The following OR2T11 variants were observed in gnomAD, a reference collection of about 807,000 sequenced individuals.
The protein encoded by OR2T11 is olfactory receptor 2T11.
OR2T11 carries 14 observed loss-of-function variants against 13.5 expected under a neutral mutation model. That is an observed-to-expected ratio of 1.04 (90% CI 0.69 to 1.62). OR2T11 has a LOEUF of 1.62. Ranked by LOEUF, OR2T11 falls within the 40% of genes most tolerant of loss-of-function variation. The pLI is 0.00. For missense variants in OR2T11, 410 were observed against 389.7 expected (o/e 1.05, Z -0.44); for synonymous variants, 163 against 154.6 (o/e 1.05, Z -0.40).
intron 1 of OR2T11, among the ~76,000 whole-genome samples, chr1:248,632,019 G>C (rs1292288934): frequency 7.0e-6 from 1 of 143,724 alleles, no homozygotes; most frequent in Non-Finnish European, 1.5e-5. Context: ...CTAGCATAAA[G>C]AAAATACAAA....
chr1:248,628,184 G>A (rs1360674121), intron 1 of OR2T11, among the ~76,000 whole-genome samples: 6 of 143,260 alleles, frequency 4.2e-5, no homozygotes, highest in Non-Finnish European at 7.5e-5. Context: ...AGAAAGCTAC[G>A]GAGCAGATAC....
In OR2T11 at chr1:248,629,029, T is replaced by C. The variant is rs1660566123; in HGVS notation, c.-144-1757A>G. On this transcript the variant is annotated intron_variant, in intron 1 of 1. Transcript: ENST00000641193. ...ATATTAGACTCCAAAAACTTCCTAA[T>C]AGAATTAACCCACACTAAGGAGAAG... Among the ~76,000 whole-genome samples, 2 of 143,778 alleles carry C rather than the reference T, an allele frequency of 1.4e-5. 1 individual carries two copies. The highest frequency in any genetic ancestry group is 1.4e-4 in the Admixed American group (2 of 14,724). The allele number at this position is 143,778 out of a possible 152,430, so 94.3% of individuals were successfully genotyped here. A position where few individuals can be genotyped will look rare whatever the true frequency, so the allele number is the denominator to read the frequency against.
At chr1:248,628,703 A>T (rs1162505922) in intron 1 of OR2T11, among the ~76,000 whole-genome samples, 1 of 143,238 alleles carries the variant, frequency 7.0e-6, no homozygotes, top group Non-Finnish European at 1.5e-5. Context: ...CAGTAGAATC[A>T]GTACAAATAG....
rs1220861100 is a variant in OR2T11, at chr1:248,624,984, C to T, written c.*1194G>A. On this transcript the variant is annotated 3_prime_UTR_variant, in exon 2 of 2. Coordinates refer to ENST00000641193, the MANE Select transcript of OR2T11 (RefSeq NM_001001964.2). ...CAAGCAATCCACCCTCCTTGGTCTC[C>T]ACTAAAGTGCTGGGAGTACAGGTAT... 6.9e-6 allele frequency: 1 copy of T among 144,220 alleles called. No individual in the cohort carries two copies. The highest frequency in any genetic ancestry group is 2.7e-5 in the African/African-American group (1 of 36,816). The allele number at this position is 144,220 out of a possible 1,614,324, so 8.9% of individuals were successfully genotyped here.
At position 248,625,609 on chromosome 1, in the gene OR2T11, C is replaced by T. The variant is rs2103100540; in HGVS notation, c.*569G>A. 6.9e-6 allele frequency: 1 copy of T among 145,824 alleles called. No homozygotes were observed. Among genetic ancestry groups the T allele is most frequent in the African/African-American group, 2.7e-5 (1 of 36,726 alleles). The allele number at this position is 145,824 out of a possible 1,614,324, so 9.0% of individuals were successfully genotyped here. ...ATACTCAGTTCTGTTCAATTCACCA[C>T]CATTTATTGTGGCCTAGTATTTGAT... is the stretch of plus-strand genomic sequence containing the variant. On this transcript the variant is annotated 3_prime_UTR_variant, in exon 2 of 2. Transcript: ENST00000641193.
intron 1 of OR2T11, among the ~76,000 whole-genome samples, chr1:248,631,626 A>G (rs1290803526): frequency 1.4e-5 from 2 of 143,862 alleles, no homozygotes; most frequent in African/African-American, 5.5e-5. Context: ...CAAGTTGTCA[A>G]CAAAGCAATA....
Position 248,626,493 on chromosome 1 carries a change from G to A in OR2T11, c.636C>T (p.Ser212=), listed in dbSNP as rs760024194. The change falls in exon 2 of 2, where the codon TCC becomes TCT. Residue 212 remains serine (S), a synonymous_variant. Transcript: ENST00000641193. ...LMLLIPISII[S]TSYSLILLTI... ...TTAACAAGATGAGGGAGTAGGAAGT[G>A]GAGATGATAGAGATGGGGATGAGCA... 3 of 1,572,566 alleles carry A rather than the reference G, an allele frequency of 1.9e-6. No individual in the cohort carries two copies. The highest frequency in any genetic ancestry group is 1.7e-6 in the Non-Finnish European group (2 of 1,156,176).
rs1660485460 is a variant in OR2T11 at position 248,624,457 on chromosome 1, T to C, written c.*1721A>G. Reference sequence around the variant, plus strand: ...GCTAAATACAGTAACCAAATCTCACTTATTTCAACCATAGACTGCACTTGT... The same window carrying C: ...GCTAAATACAGTAACCAAATCTCACCTATTTCAACCATAGACTGCACTTGT... On this transcript the variant is annotated 3_prime_UTR_variant, in exon 2 of 2. Transcript: ENST00000641193. The C allele has an allele frequency of 7.0e-6, 1 of 143,330 alleles. No individual in the cohort carries two copies. Among genetic ancestry groups the C allele is most frequent in the African/African-American group, 2.7e-5 (1 of 36,388 alleles). The allele number at this position is 143,330 out of a possible 1,614,324, so 8.9% of individuals were successfully genotyped here. A position where few individuals can be genotyped will look rare whatever the true frequency, so the allele number is the denominator to read the frequency against.
intron 1 of OR2T11, among the ~76,000 whole-genome samples, chr1:248,630,702 A>G (rs114537856): frequency 0.014 from 1,984 of 144,192 alleles, 408 homozygotes; most frequent in African/African-American, 0.049. Context: ...TGCTACTTAA[A>G]TTGAACGACA....
At position 248,629,003 on chromosome 1, in the gene OR2T11, T is replaced by C. The variant is rs372752294; in HGVS notation, c.-144-1731A>G. Among the ~76,000 whole-genome samples the C allele has an allele frequency of 1.7e-4, 24 of 143,914 alleles. 6 individuals are homozygous for C. The highest frequency in any genetic ancestry group is 6.5e-4 in the African/African-American group (24 of 36,694). The allele number at this position is 143,914 out of a possible 152,430, so 94.4% of individuals were successfully genotyped here. A position where few individuals can be genotyped will look rare whatever the true frequency, so the allele number is the denominator to read the frequency against. Reference sequence around the variant, plus strand: ...GTCCAAAAATATAAAAGAAACATTCTATATTAGACTCCAAAAACTTCCTAA... The same window carrying C: ...GTCCAAAAATATAAAAGAAACATTCCATATTAGACTCCAAAAACTTCCTAA... On this transcript the variant is annotated intron_variant, in intron 1 of 1. Transcript: ENST00000641193.
At chr1:248,630,313 GA>G (rs1337193244) in intron 1 of OR2T11, among the ~76,000 whole-genome samples, 1 of 143,300 alleles carries the variant, frequency 7.0e-6, no homozygotes, top group Non-Finnish European at 1.5e-5. Flanking sequence ...AAGTTTCTAA[GA>G]TCAGACAGCA....
In OR2T11 at chr1:248,625,961, T is replaced by C. The variant is rs1187874507; in HGVS notation, c.*217A>G. ...AAATAAAAAGACTAGATAAATTATT[T>C]AACTTCATAATAAACCATTTTTGAT... On this transcript the variant is annotated 3_prime_UTR_variant, in exon 2 of 2. Coordinates refer to ENST00000641193, the MANE Select transcript of OR2T11 (RefSeq NM_001001964.2). 5 of 381,386 alleles carry C rather than the reference T, an allele frequency of 1.3e-5. No individual in the cohort carries two copies. The highest frequency in any genetic ancestry group is 2.3e-5 in the Non-Finnish European group (5 of 216,590). The allele number at this position is 381,386 out of a possible 1,614,324, so 23.6% of individuals were successfully genotyped here.
At position 248,626,738 on chromosome 1, in the gene OR2T11, C is replaced by T. The variant is rs765476981; in HGVS notation, c.391G>A (p.Val131Ile). 1 of 1,573,290 alleles carries T rather than the reference C, an allele frequency of 6.4e-7. No homozygotes were observed. The highest frequency in any genetic ancestry group is 8.6e-7 in the Non-Finnish European group (1 of 1,156,978). The change falls in exon 2 of 2, where the codon GTC (valine) becomes ATC (isoleucine). Residue 131 changes from valine to isoleucine, a missense_variant. Physicochemically the swap from Val to Ile is conservative, Grantham distance 29 (BLOSUM62 3). Coordinates refer to ENST00000641193, the MANE Select transcript of OR2T11 (RefSeq NM_001001964.2). ...VAVCNPLRYP[V>I]LMNRKKCLLL... ...AGACACTTCTTGCGGTTCATCAGGA[C>T]TGGGTATCTCAGAGGGTTACAGACA...
In OR2T11 at chr1:248,626,623, C is replaced by T. The variant is rs774651573; in HGVS notation, c.506G>A (p.Arg169Gln). 5.3e-5 allele frequency: 84 copies of T among 1,572,912 alleles called. 11 individuals carry two copies. The East Asian group carries it at 6.4e-4, about 12-fold the overall frequency. Residue 169 changes from arginine (R) to glutamine (Q), a missense_variant, in exon 2 of 2, where the codon CGA becomes CAA. Coordinates refer to ENST00000641193, the MANE Select transcript of OR2T11 (RefSeq NM_001001964.2). Reference protein sequence around the residue: ...ITMNVPYCGSRSINHFFCEIP... With the variant: ...ITMNVPYCGSQSINHFFCEIP... ...CTCACAGAAAAAATGGTTGATACTT[C>T]GGGAGCCACAGTAAGGGACATTCAT...
rs1400744732 is a variant in OR2T11, at chr1:248,626,254, T to G, written c.875A>C (p.Lys292Thr). The G allele has an allele frequency of 1.3e-6, 2 of 1,570,268 alleles. 1 individual carries two copies. Residue 292 changes from lysine (K) to threonine (T), a missense_variant, in exon 2 of 2, where the codon AAG becomes ACG. Coordinates refer to ENST00000641193, the MANE Select transcript of OR2T11 (RefSeq NM_001001964.2). ...LNPLIYSLRN[K>T]DVIGAFKKVF... Reference sequence around the variant, plus strand: ...CTTTTTAAATGCCCCTATGACGTCCTTGTTTCTGAGGCTGTAGATGAGAGG... The same window carrying G: ...CTTTTTAAATGCCCCTATGACGTCCGTGTTTCTGAGGCTGTAGATGAGAGG...
In OR2T11 at chr1:248,624,249, ATT is replaced by A. The variant is rs1304313490; in HGVS notation, c.*1927_*1928del. The stretch of plus-strand genomic sequence containing the variant: ...ATACTCAATATCACATGACAGCACC[ATT>A]AACATCAAACACATTGGTATCACGT... On this transcript the variant is annotated 3_prime_UTR_variant, in exon 2 of 2. Transcript: ENST00000641193. The A allele has an allele frequency of 7.0e-6, 1 of 143,242 alleles. No homozygotes were observed. Among genetic ancestry groups the A allele is most frequent in the East Asian group, 2.0e-4 (1 of 4,968 alleles). The allele number at this position is 143,242 out of a possible 1,614,324, so 8.9% of individuals were successfully genotyped here. A position where few individuals can be genotyped will look rare whatever the true frequency, so the allele number is the denominator to read the frequency against.
Position 248,624,589 on chromosome 1 carries a change from G to T in OR2T11, c.*1589C>A, listed in dbSNP as rs1042243433. The T allele has an allele frequency of 4.9e-5, 7 of 143,478 alleles. 2 individuals are homozygous for T. Among genetic ancestry groups the T allele is most frequent in the Non-Finnish European group, 7.5e-5 (5 of 66,330 alleles). 8.9% of individuals were successfully genotyped at this position (143,478 alleles called of 1,614,324 possible). ...GTGACGCCAGCTGCCTCAGATCTCAGTCTCAAGCTTTCTCTTAAGAAAACT... is the reference window on the plus strand; with the variant it reads ...GTGACGCCAGCTGCCTCAGATCTCATTCTCAAGCTTTCTCTTAAGAAAACT... On this transcript the variant is annotated 3_prime_UTR_variant, in exon 2 of 2. Transcript: ENST00000641193.
chr1:248,634,589 G>A (rs28413625), intron 1 of OR2T11, among the ~76,000 whole-genome samples: 112,308 of 135,078 alleles, frequency 0.83, 49,229 homozygotes, highest in South Asian at 0.94. Context: ...GAATCAGCCT[G>A]TTGTTTTAAC....
Position 248,628,236 on chromosome 1 carries a change from T to C in OR2T11, c.-144-964A>G, listed in dbSNP as rs1660550442. Among the ~76,000 whole-genome samples the C allele has an allele frequency of 2.8e-5, 4 of 143,056 alleles. 1 individual carries two copies. The highest frequency in any genetic ancestry group is 2.0e-4 in the Admixed American group (3 of 14,664). 93.9% of individuals were successfully genotyped at this position (143,056 alleles called of 152,430 possible). A position where few individuals can be genotyped will look rare whatever the true frequency, so the allele number is the denominator to read the frequency against. On this transcript the variant is annotated intron_variant, in intron 1 of 1. Transcript: ENST00000641193. ...AACAGGCCACCGTTTAAGAAGGAAT[T>C]TTATCTTTAACATACCAGGTGGAAG...
Sources: allele counts gnomAD v4.1 joint callset (sites outside exome capture counted in the v4.1 genomes callset), GRCh38; gene constraint gnomAD v4.1.1; transcripts MANE v1.5; gene names NCBI Gene and HGNC (gene_info 2026-07-23, HGNC 2026-07-21).